Variants in EPS8 observed in about 807,000 individuals in gnomAD.
EPS8 encodes EGFR pathway substrate 8, signaling adaptor, also known as epidermal growth factor receptor kinase substrate 8.
Under a neutral mutation model 103.8 loss-of-function variants are expected in EPS8, and 42 were observed. That is an observed-to-expected ratio of 0.40 (90% CI 0.32 to 0.52). EPS8 has a LOEUF of 0.52. EPS8 is among the 20% of genes least tolerant of loss of function. The pLI, the probability that EPS8 is intolerant of heterozygous loss-of-function variation, is 0.40. For synonymous variants in EPS8, 344 were observed against 344.6 expected (o/e 1.00, Z 0.02); for missense variants, 969 against 1,005.1 (o/e 0.96, Z 0.49).
At chr12:15,637,319 C>T (rs906250143) in intron 17 of EPS8, among the ~76,000 whole-genome samples, 1 of 152,244 alleles carries the variant, frequency 6.6e-6, no homozygotes, top group Non-Finnish European at 1.5e-5. Context: ...TTGTGCCCAC[C>T]CGAAATGAGA....
chr12:15,707,996 T>C (rs1452558590), intron 1 of EPS8, among the ~76,000 whole-genome samples: 2 of 152,208 alleles, frequency 1.3e-5, no homozygotes, highest in African/African-American at 4.8e-5. Flanking sequence ...GTTCCTGTTA[T>C]TGCTCTGCCT....
In EPS8 at chr12:15,738,177, A is replaced by C. The variant is rs954871349; in HGVS notation, c.-22+50984T>G. Among the ~76,000 whole-genome samples the C allele has an allele frequency of 1.3e-5, 2 of 152,156 alleles. No individual in the cohort carries two copies. The highest frequency in any genetic ancestry group is 4.8e-5 in the African/African-American group (2 of 41,456). On this transcript the variant is annotated intron_variant, in intron 1 of 20. Transcript: ENST00000281172. This position sits in a 1 kb window ranked among gnomAD's most constrained non-coding sequence, Gnocchi z 6.2. ...TTGTGAATATCTAACTATTATTCTAATTAATATCACTTTTATTCTAACTAA... is the reference window on the plus strand; with the variant it reads ...TTGTGAATATCTAACTATTATTCTACTTAATATCACTTTTATTCTAACTAA...
intron 1 of EPS8, among the ~76,000 whole-genome samples, chr12:15,758,861 G>A (rs1191784890): frequency 6.6e-6 from 1 of 152,088 alleles, no homozygotes; most frequent in Non-Finnish European, 1.5e-5. Flanking sequence ...ACTAACAAAT[G>A]GTTGGAGGCA....
chr12:15,692,888 G>A (rs1374444057), intron 1 of EPS8, among the ~76,000 whole-genome samples: 1 of 151,916 alleles, frequency 6.6e-6, no homozygotes. Context: ...CTTATTTTCT[G>A]ATTACAGTAT....
Position 15,690,926 on chromosome 12 carries a change from A to T in EPS8, c.-21-7954T>A, listed in dbSNP as rs1266440607. Among the ~76,000 whole-genome samples, 1 of 152,094 alleles carries T rather than the reference A, an allele frequency of 6.6e-6. No individual in the cohort carries two copies. On this transcript the variant is annotated intron_variant, in intron 1 of 20. Transcript: ENST00000281172. The surrounding 1 kb of genome is among the most constrained non-coding windows in gnomAD (Gnocchi z 4.7). The stretch of plus-strand genomic sequence containing the variant: ...GCTAGAAAGTGATGCAATAAAGAAG[A>T]GTCAAGACCAAACAAAAAAGTCAGT...
intron 1 of EPS8, among the ~76,000 whole-genome samples, chr12:15,726,748 G>A (rs1946657794): frequency 6.6e-6 from 1 of 152,156 alleles, no homozygotes; most frequent in Non-Finnish European, 1.5e-5. Context: ...ATCTGTTCCT[G>A]CTTTGCCTCC....
intron 17 of EPS8, 33 bp downstream of exon 17, chr12:15,640,670 A>T: frequency 6.3e-7 from 1 of 1,590,202 alleles, no homozygotes; most frequent in East Asian, 2.2e-5. Context: ...GTAAATGTGT[A>T]CATACTACAT....
In EPS8 at chr12:15,695,872, G is replaced by A. The variant is rs1484117494; in HGVS notation, c.-21-12900C>T. Among the ~76,000 whole-genome samples, 3 of 152,202 alleles carry A rather than the reference G, an allele frequency of 2.0e-5. No homozygotes were observed. Among genetic ancestry groups the A allele is most frequent in the Non-Finnish European group, 4.4e-5 (3 of 68,028 alleles). On this transcript the variant is annotated intron_variant, in intron 1 of 20. Coordinates refer to ENST00000281172, the MANE Select transcript of EPS8 (RefSeq NM_004447.6). The surrounding 1 kb of genome is among the most constrained non-coding windows in gnomAD (Gnocchi z 5.0). ...CACCTGTAATCCCAGCTACTCGGGA[G>A]GCTGAGACAGGAGAATCACTTGAGC...
Position 15,772,368 on chromosome 12 carries a change from G to T in EPS8, c.-22+16793C>A, listed in dbSNP as rs915270937. On this transcript the variant is annotated intron_variant, in intron 1 of 20. Coordinates refer to ENST00000281172, the MANE Select transcript of EPS8 (RefSeq NM_004447.6). The surrounding 1 kb of genome is among the most constrained non-coding windows in gnomAD (Gnocchi z 5.0). ...AATAGAGTTAGAGTTCCCAAGAAAG[G>T]CATCACCTGAAGAACTGAGAGTAAC... 6.6e-6 allele frequency among the ~76,000 whole-genome samples: 1 copy of T among 152,070 alleles called. No individual in the cohort carries two copies. The highest frequency in any genetic ancestry group is 1.5e-5 in the Non-Finnish European group (1 of 68,020).
intron 8 of EPS8, chr12:15,662,657 T>C (rs1477007326): frequency 1.0e-6 from 1 of 985,362 alleles, no homozygotes; most frequent in African/African-American, 1.7e-5. Context: ...AATTTTCACA[T>C]TAAAAAATAA....
At position 15,769,313 on chromosome 12, in the gene EPS8, C is replaced by T. The variant is rs2136041014; in HGVS notation, c.-22+19848G>A. Among the ~76,000 whole-genome samples, 1 of 152,224 alleles carries T rather than the reference C, an allele frequency of 6.6e-6. No individual in the cohort carries two copies. Among genetic ancestry groups the T allele is most frequent in the East Asian group, 1.9e-4 (1 of 5,192 alleles). ...TTTCATTATTAACATAAAATTGTAA[C>T]TCTACTTTTGCCAATTTTATCAAGA... On this transcript the variant is annotated intron_variant, in intron 1 of 20. Coordinates refer to ENST00000281172, the MANE Select transcript of EPS8 (RefSeq NM_004447.6). This position sits in a 1 kb window ranked among gnomAD's most constrained non-coding sequence, Gnocchi z 4.6.
chr12:15,654,292 A>C lies in EPS8; in HGVS notation c.1103T>G (p.Val368Gly), dbSNP rs775528246. ...TTCAGGACCTCCTGTTGCCTGCACC[A>C]CCTAAGATAATAAACCATTTTTTAG... The part of the protein sequence containing the change: ...VHFLFTPLNM[V>G]VQATGGPELA... Residue 368 changes from valine (V) to glycine (G), a missense_variant and splice_region_variant, in exon 13 of 21, where the codon GTG becomes GGG. By Grantham distance (109) the Val-to-Gly change is moderately radical. Coordinates refer to ENST00000281172, the MANE Select transcript of EPS8 (RefSeq NM_004447.6). 4 of 1,612,246 alleles carry C rather than the reference A, an allele frequency of 2.5e-6. No homozygotes were observed. Among genetic ancestry groups the C allele is most frequent in the Non-Finnish European group, 3.4e-6 (4 of 1,179,344 alleles).
chr12:15,646,135 A>C (rs1334190199), intron 15 of EPS8, among the ~76,000 whole-genome samples: 1 of 151,926 alleles, frequency 6.6e-6, no homozygotes, highest in Non-Finnish European at 1.5e-5. Context: ...CATTTAAAAA[A>C]TATATTATTC....
chr12:15,742,711 GC>G (rs1448629733), intron 1 of EPS8, among the ~76,000 whole-genome samples: 8 of 152,074 alleles, frequency 5.3e-5, no homozygotes, highest in Admixed American at 2.0e-4. Context: ...AAATTCAACA[GC>G]CCTTCATGCT....
At chr12:15,658,714 C>G (rs1945551522) in intron 10 of EPS8, 129 bp from the exon 11 acceptor site, 2 of 668,096 alleles carry the variant, frequency 3.0e-6, no homozygotes, top group Non-Finnish European at 5.4e-6. Context: ...AGTTACCGTG[C>G]TACATCTCAT....
In EPS8 at chr12:15,772,170, G is replaced by T. The variant is rs1391434482; in HGVS notation, c.-22+16991C>A. ...GTTGACATATAGGTGGGGCAGAAAGGTGGGTAAGAAAAAGAGTCCAGGAAA... is the reference window on the plus strand; with the variant it reads ...GTTGACATATAGGTGGGGCAGAAAGTTGGGTAAGAAAAAGAGTCCAGGAAA... On this transcript the variant is annotated intron_variant, in intron 1 of 20. Transcript: ENST00000281172. This position sits in a 1 kb window ranked among gnomAD's most constrained non-coding sequence, Gnocchi z 5.0. Among the ~76,000 whole-genome samples, 2 of 152,052 alleles carry T rather than the reference G, an allele frequency of 1.3e-5. No individual in the cohort carries two copies. Among genetic ancestry groups the T allele is most frequent in the African/African-American group, 2.4e-5 (1 of 41,410 alleles).
chr12:15,732,844 G>A, intron 1 of EPS8: 1 of 713,426 alleles, frequency 1.4e-6, no homozygotes, highest in Non-Finnish European at 1.7e-6. Context: ...GTTAATCATT[G>A]TTAAGGCTTT....
At chr12:15,737,971 T>C (rs549163143) in intron 1 of EPS8, among the ~76,000 whole-genome samples, 1 of 152,082 alleles carries the variant, frequency 6.6e-6, no homozygotes, top group African/African-American at 2.4e-5. Context: ...TAAGAAAGAG[T>C]AGCATTTTTC....
chr12:15,675,325 G>T (rs185703175), intron 3 of EPS8, among the ~76,000 whole-genome samples: 3 of 152,210 alleles, frequency 2.0e-5, no homozygotes, highest in African/African-American at 7.2e-5. Context: ...TTAAGGCCAG[G>T]CATGGTGGCT....
Sources: gnomAD v4.1 joint callset for allele counts (sites outside exome capture counted in the v4.1 genomes callset) on GRCh38, gnomAD v4.1.1 for gene constraint, Gnocchi (gnomAD v3.1) non-coding constraint, MANE v1.5 for transcripts, NCBI Gene and HGNC (gene_info 2026-07-23, HGNC 2026-07-21) for gene names.